ADAM10: variants seen among roughly 807,000 people sequenced by gnomAD.
The protein encoded by ADAM10 is ADAM metallopeptidase domain 10.
ADAM10 carries 17 observed loss-of-function variants against 90.1 expected under a neutral mutation model. The ratio of observed to expected loss-of-function variants is 0.19; its 90% confidence interval spans 0.13 to 0.28. The LOEUF (loss-of-function observed/expected upper bound fraction) is 0.28. ADAM10 is among the 10% of genes least tolerant of loss of function. The pLI, the probability that ADAM10 is intolerant of heterozygous loss-of-function variation, is 1.00. For missense variants in ADAM10, 610 were observed against 914.3 expected, an observed-to-expected ratio of 0.67 and a Z score of 4.29; for synonymous variants, 310 against 298.6, an observed-to-expected ratio of 1.04 and a Z score of -0.40.
intron 14 of ADAM10, chr15:58,609,605 G>A (rs1488772818): frequency 1.3e-5 from 2 of 153,664 alleles, no homozygotes; most frequent in Non-Finnish European, 2.9e-5. Context: ...ACTACATTCA[G>A]TTCAATTATA....
At chr15:58,664,792 C>G (rs1285116018) in intron 5 of ADAM10, among the ~76,000 whole-genome samples, 4 of 152,046 alleles carry the variant, frequency 2.6e-5, no homozygotes, top group African/African-American at 9.7e-5. Flanking sequence ...AGTGGTCACT[C>G]TAATTTTAAT....
intron 5 of ADAM10, among the ~76,000 whole-genome samples, chr15:58,664,728 C>T (rs1311393446): frequency 6.6e-6 from 1 of 152,096 alleles, no homozygotes; most frequent in East Asian, 1.9e-4. Context: ...AGATTGTCTG[C>T]TGACACACAA....
chr15:58,615,469 T>C (rs1334821177), intron 11 of ADAM10, among the ~76,000 whole-genome samples: 1 of 152,104 alleles, frequency 6.6e-6, no homozygotes, highest in Admixed American at 6.5e-5. Flanking sequence ...CATTTATTTG[T>C]AGAAATGGGA....
chr15:58,691,955 C>T (rs143957399), intron 2 of ADAM10: 9,623 of 418,036 alleles, frequency 0.023, 159 homozygotes, highest in Non-Finnish European at 0.035. Flanking sequence ...GGATTACAGG[C>T]GTGAGCCACC....
chr15:58,626,918 T>C (rs1895965670), intron 10 of ADAM10, among the ~76,000 whole-genome samples: 7 of 152,184 alleles, frequency 4.6e-5, no homozygotes, highest in Admixed American at 4.6e-4. Context: ...ATTGTACCTA[T>C]AATTAATGTC....
intron 14 of ADAM10, among the ~76,000 whole-genome samples, chr15:58,608,494 C>G (rs1895341218): frequency 6.6e-6 from 1 of 152,162 alleles, no homozygotes; most frequent in Non-Finnish European, 1.5e-5. Flanking sequence ...GCACCAACAG[C>G]CTAGCGGTAC....
At position 58,633,392 on chromosome 15, in the gene ADAM10, ATC is replaced by A. The variant is rs1566974347; in HGVS notation, c.1013-35_1013-34del. On this transcript the variant is annotated intron_variant, in intron 8 of 15. Coordinates refer to ENST00000260408, the MANE Select transcript of ADAM10 (RefSeq NM_001110.4). ...AGAACAAAAAAATGGCTAAATTAGTATCTGTTTCCCCTTACCCCCAAAAAGGT... is the reference window on the plus strand; with the variant it reads ...AGAACAAAAAAATGGCTAAATTAGTATGTTTCCCCTTACCCCCAAAAAGGT... The A allele has an allele frequency of 6.9e-6, 11 of 1,592,692 alleles. No individual in the cohort carries two copies. In the Admixed American group the frequency reaches 1.0e-4, roughly 14 times the overall value.
At chr15:58,679,085 C>T (rs1897359993) in intron 4 of ADAM10, 39 bp downstream of exon 4, 1 of 1,585,762 alleles carries the variant, frequency 6.3e-7, no homozygotes, top group Non-Finnish European at 8.6e-7. Context: ...TATCATATGC[C>T]TTTTGAAAAA....
chr15:58,694,772 A>T (rs1168374196), intron 2 of ADAM10, among the ~76,000 whole-genome samples: 2 of 152,154 alleles, frequency 1.3e-5, no homozygotes, highest in East Asian at 1.9e-4. Flanking sequence ...CAACTATTGA[A>T]AACACGCACT....
At position 58,749,468 on chromosome 15, in the gene ADAM10, G is replaced by A. The variant is rs906292864; in HGVS notation, c.55+12C>T. 6.5e-7 allele frequency: 1 copy of A among 1,540,550 alleles called. No homozygotes were observed. On this transcript the variant is annotated intron_variant, in intron 1 of 15. Transcript: ENST00000260408. Reference sequence around the variant, plus strand: ...GGTCGCGGCGCCCCCGGCGCTCGCAGTCGTGCCTCACCTCCCATCCCCGCC... The same window carrying A: ...GGTCGCGGCGCCCCCGGCGCTCGCAATCGTGCCTCACCTCCCATCCCCGCC...
chr15:58,626,374 T>G (rs1464768443), intron 10 of ADAM10, among the ~76,000 whole-genome samples: 1 of 152,224 alleles, frequency 6.6e-6, no homozygotes, highest in Non-Finnish European at 1.5e-5. Context: ...GAAATCTTCC[T>G]GAATTCTTTC....
In ADAM10 at chr15:58,615,236, T is replaced by G. The variant is rs549569224; in HGVS notation, c.1512-3245A>C. On this transcript the variant is annotated intron_variant, in intron 11 of 15. Coordinates refer to ENST00000260408, the MANE Select transcript of ADAM10 (RefSeq NM_001110.4). ...TTGTGGTGAGCCAAGATTGCACCAC[T>G]GCACTCGAGCCTGGGCTACAGAGCA... Among the ~76,000 whole-genome samples the G allele has an allele frequency of 4.4e-3, 596 of 134,560 alleles. 1 individual carries two copies. The highest frequency in any genetic ancestry group is 6.7e-3 in the Non-Finnish European group (443 of 65,962). 88.3% of individuals were successfully genotyped at this position (134,560 alleles called of 152,430 possible). A position where few individuals can be genotyped will look rare whatever the true frequency, so the allele number is the denominator to read the frequency against.
At chr15:58,629,560 G>A (rs1596007531) in intron 9 of ADAM10, 1 of 151,940 alleles carries the variant, frequency 6.6e-6, no homozygotes, top group Non-Finnish European at 1.5e-5. Flanking sequence ...CAAGAGAAGC[G>A]TTTCACTAAG....
chr15:58,610,639 T>A, intron 13 of ADAM10, 122 bp from the exon 14 acceptor site: 1 of 931,728 alleles, frequency 1.1e-6, no homozygotes, highest in Non-Finnish European at 1.7e-6. Flanking sequence ...TAACATGTTA[T>A]ACAGACCTTC....
rs552878447 is a variant in ADAM10 at position 58,675,068 on chromosome 15, T to C, written c.484+4056A>G. Among the ~76,000 whole-genome samples the C allele has an allele frequency of 1.1e-4, 16 of 152,288 alleles. No individual in the cohort carries two copies. In the South Asian group the frequency reaches 1.5e-3, roughly 14 times the overall value. ...AAAATTAGCTGGGCGTGATGGCACA[T>C]GCCTGTAGTCCCAGCTATTCACAGG... On this transcript the variant is annotated intron_variant, in intron 4 of 15. Coordinates refer to ENST00000260408, the MANE Select transcript of ADAM10 (RefSeq NM_001110.4).
At chr15:58,626,070 T>G (rs1895934936) in intron 10 of ADAM10, among the ~76,000 whole-genome samples, 1 of 152,104 alleles carries the variant, frequency 6.6e-6, no homozygotes, top group South Asian at 2.1e-4. Flanking sequence ...TTCTGATTCT[T>G]GATTGTGATG....
intron 11 of ADAM10, among the ~76,000 whole-genome samples, chr15:58,613,999 A>T (rs1048316845): frequency 4.6e-5 from 7 of 152,190 alleles, no homozygotes; most frequent in African/African-American, 1.7e-4. Flanking sequence ...GAAGAGATTT[A>T]AAAAGGCACA....
intron 1 of ADAM10, among the ~76,000 whole-genome samples, chr15:58,747,125 T>A (rs1899817427): frequency 6.6e-6 from 1 of 152,188 alleles, no homozygotes; most frequent in East Asian, 1.9e-4. Context: ...ACAGCTGAAA[T>A]GCCTTTTGTG....
At chr15:58,646,795 T>C (rs1896558894) in intron 5 of ADAM10, among the ~76,000 whole-genome samples, 1 of 152,236 alleles carries the variant, frequency 6.6e-6, no homozygotes, top group African/African-American at 2.4e-5. Flanking sequence ...ATATTCTTTA[T>C]ATGCTCCCCT....
Sources: allele counts gnomAD v4.1 joint callset (sites outside exome capture counted in the v4.1 genomes callset), GRCh38; gene constraint gnomAD v4.1.1; transcripts MANE v1.5; gene names NCBI Gene and HGNC (gene_info 2026-07-23, HGNC 2026-07-21).